The following RUBCN variants were observed in gnomAD, a reference collection of about 807,000 sequenced individuals.
RUBCN encodes run domain Beclin-1-interacting and cysteine-rich domain-containing protein.
A neutral mutation model predicts 113.2 loss-of-function variants in RUBCN; 74 were observed. The ratio of observed to expected loss-of-function variants is 0.65; its 90% CI spans 0.54 to 0.79. The LOEUF is 0.79. RUBCN is among the 30% of genes least tolerant of loss of function. The probability of loss-of-function intolerance (pLI) is 0.00; values close to 1 mark genes in which losing one functional copy is unlikely to be tolerated. For synonymous variants in RUBCN, 480 were observed against 490.0 expected (o/e 0.98, Z 0.27); for missense variants, 1,109 against 1,251.7 (o/e 0.89, Z 1.72).
At chr3:197,734,660 T>C (rs1333225517) in intron 1 of RUBCN, among the ~76,000 whole-genome samples, 1 of 152,118 alleles carries the variant, frequency 6.6e-6, no homozygotes, top group Non-Finnish European at 1.5e-5. Flanking sequence ...ATTTGTTACA[T>C]ACATTAAAAA....
In RUBCN at chr3:197,717,454, A is replaced by G. The variant is rs528989160; in HGVS notation, c.219+523T>C. ...GCGAGACTCCGTCTCAAAAAAAAAA[A>G]GGGGGGGGCAGAGAGAGATTTGAAG... On this transcript the variant is annotated intron_variant, in intron 2 of 19. Coordinates refer to ENST00000296343, the MANE Select transcript of RUBCN (RefSeq NM_014687.4). Among the ~76,000 whole-genome samples the G allele has an allele frequency of 9.6e-3, 1,427 of 149,112 alleles. 18 individuals are homozygous for G. The highest frequency in any genetic ancestry group is 0.033 in the African/African-American group (1,325 of 40,318).
chr3:197,720,347 A>C (rs1726008542), intron 1 of RUBCN, among the ~76,000 whole-genome samples: 1 of 152,166 alleles, frequency 6.6e-6, no homozygotes, highest in Admixed American at 6.5e-5. Context: ...GAAAGAATTA[A>C]GGTTGAAGTG....
Position 197,705,173 on chromosome 3 carries a change from C to A in RUBCN, c.222G>T (p.Ala74=), listed in dbSNP as rs200804023. ...GCCAGTAATCCGTCTGGCGGCGGCA[C>A]GCCTGCAAAGGGAACACATACAATG... ...ILYHGLIRDQ[A]CRRQTDYWQF... The change falls in exon 3 of 20, where the codon GCG becomes GCT. Residue 74 remains alanine, a splice_region_variant and synonymous_variant. Coordinates refer to ENST00000296343, the MANE Select transcript of RUBCN (RefSeq NM_014687.4). 2 of 1,613,742 alleles carry A rather than the reference C, an allele frequency of 1.2e-6. No individual in the cohort carries two copies. The highest frequency in any genetic ancestry group is 1.7e-6 in the Non-Finnish European group (2 of 1,179,774).
At chr3:197,703,722 C>A in intron 4 of RUBCN, 68 bp from the exon 5 acceptor site, 1 of 952,338 alleles carries the variant, frequency 1.1e-6, no homozygotes, top group Non-Finnish European at 1.7e-6. Context: ...CTTGAGGAAG[C>A]AGAAAGGGAG....
intron 1 of RUBCN, among the ~76,000 whole-genome samples, chr3:197,742,185 T>A (rs1054534808): frequency 6.6e-6 from 1 of 152,064 alleles, no homozygotes; most frequent in African/African-American, 2.4e-5. Flanking sequence ...AATGTTAAAA[T>A]GAAAATTTTA....
chr3:197,689,365 C>T (rs1383509489), intron 11 of RUBCN, among the ~76,000 whole-genome samples: 1 of 152,136 alleles, frequency 6.6e-6, no homozygotes, highest in Non-Finnish European at 1.5e-5. Flanking sequence ...AAACATTTCA[C>T]ATTCTTAGTG....
chr3:197,696,748 G>A (rs1723053711), intron 8 of RUBCN, among the ~76,000 whole-genome samples: 1 of 152,176 alleles, frequency 6.6e-6, no homozygotes, highest in South Asian at 2.1e-4. Flanking sequence ...GAGAGGGTGG[G>A]ACCCCCAAGT....
chr3:197,708,260 C>T (rs1434847109), intron 2 of RUBCN, among the ~76,000 whole-genome samples: 10 of 151,864 alleles, frequency 6.6e-5, no homozygotes, highest in Non-Finnish European at 1.2e-4. Flanking sequence ...CTCAGCCTCC[C>T]GAGTCGCGGG....
At chr3:197,676,737 G>C in intron 18 of RUBCN, 148 bp downstream of exon 18, 1 of 1,519,652 alleles carries the variant, frequency 6.6e-7, no homozygotes. Flanking sequence ...TCCAGGCTAA[G>C]GAACAGCAGC....
At position 197,718,012 on chromosome 3, in the gene RUBCN, G is replaced by C; in HGVS notation, c.184C>G (p.Gln62Glu). Reference protein sequence around the residue: ...GGLERLCRDMQSILYHGLIRD... With the variant: ...GGLERLCRDMESILYHGLIRD... ...ATAAGCCCGTGATAGAGGATGCTCT[G>C]CATGTCCCTGCAAAGCCGCTCCAAG... Residue 62 changes from glutamine to glutamate, a missense_variant, in exon 2 of 20, where the codon CAG (glutamine) becomes GAG (glutamate). By Grantham distance (29) the Gln-to-Glu change is conservative. Transcript: ENST00000296343. The C allele has an allele frequency of 1.2e-6, 2 of 1,614,114 alleles. No homozygotes were observed. Among genetic ancestry groups the C allele is most frequent in the East Asian group, 2.2e-5 (1 of 44,892 alleles).
In RUBCN at chr3:197,681,084, GA is replaced by G; in HGVS notation, c.2430+44del. ...GAGGGACGAGGGGAGGGGATGAGGG[GA>G]GGAGAAGGGCAAGACTCTAAGGTGG... On this transcript the variant is annotated intron_variant, in intron 16 of 19. Transcript: ENST00000296343. The surrounding 1 kb of genome is among the most constrained non-coding windows in gnomAD (Gnocchi z 5.5). The G allele has an allele frequency of 8.0e-7, 1 of 1,255,230 alleles. No individual in the cohort carries two copies. The highest frequency in any genetic ancestry group is 1.2e-5 in the South Asian group (1 of 83,550). The allele number at this position is 1,255,230 out of a possible 1,614,324, so 77.8% of individuals were successfully genotyped here. A position where few individuals can be genotyped will look rare whatever the true frequency, so the allele number is the denominator to read the frequency against.
At chr3:197,676,833 T>C (rs771361217) in intron 18 of RUBCN, 52 bp downstream of exon 18, 27 of 1,613,088 alleles carry the variant, frequency 1.7e-5, no homozygotes, top group Non-Finnish European at 2.2e-5. Context: ...CCCCCCTCCC[T>C]GTATCCCTAA....
At chr3:197,684,253 A>G (rs759958769) in intron 11 of RUBCN, 36 bp from the exon 12 acceptor site, 45 of 1,561,746 alleles carry the variant, frequency 2.9e-5, no homozygotes, top group Non-Finnish European at 3.9e-5. Flanking sequence ...AGCGCAATGG[A>G]AACGGGGTGG....
At chr3:197,705,290 G>A in intron 2 of RUBCN, 115 bp from the exon 3 acceptor site, 1 of 912,424 alleles carries the variant, frequency 1.1e-6, no homozygotes. Flanking sequence ...CCTCATCAAA[G>A]GTTCTTAGCA....
chr3:197,735,364 G>A (rs566851159), intron 1 of RUBCN, among the ~76,000 whole-genome samples: 1 of 152,322 alleles, frequency 6.6e-6, no homozygotes, highest in South Asian at 2.1e-4. Context: ...ACGGCACTGC[G>A]CTCAGCCTGG....
In RUBCN at chr3:197,742,932, G is replaced by A. The variant is rs186068869; in HGVS notation, c.-116+6337C>T. ...AAAATGCCACAGTTGGTCATTCAGTGAGTCAATCTAGAACCCCTGGTGGTC... is the reference window on the plus strand; with the variant it reads ...AAAATGCCACAGTTGGTCATTCAGTAAGTCAATCTAGAACCCCTGGTGGTC... On this transcript the variant is annotated intron_variant, in intron 1 of 20. Transcript: ENST00000273582. 3.3e-5 allele frequency among the ~76,000 whole-genome samples: 5 copies of A among 152,342 alleles called. No individual in the cohort carries two copies. The East Asian group carries it at 7.7e-4, about 23-fold the overall frequency.
chr3:197,717,235 C>A (rs553687564), intron 2 of RUBCN, among the ~76,000 whole-genome samples: 1 of 150,730 alleles, frequency 6.6e-6, no homozygotes, highest in East Asian at 1.9e-4. Flanking sequence ...GAGATTGAGA[C>A]CACTGAGACC....
intron 8 of RUBCN, among the ~76,000 whole-genome samples, chr3:197,696,198 C>T (rs1428274213): frequency 3.3e-5 from 5 of 151,992 alleles, no homozygotes; most frequent in Admixed American, 1.3e-4. Context: ...ATGGTGAAAC[C>T]CCATCTCTAC....
intron 2 of RUBCN, among the ~76,000 whole-genome samples, chr3:197,713,720 A>C (rs942096002): frequency 5.9e-5 from 9 of 151,888 alleles, no homozygotes; most frequent in Admixed American, 3.3e-4. Flanking sequence ...GAGCAGATGA[A>C]ACTGCTTCAG....
Sources: gnomAD v4.1 joint callset for allele counts (sites outside exome capture counted in the v4.1 genomes callset) on GRCh38, gnomAD v4.1.1 for gene constraint, Gnocchi (gnomAD v3.1) non-coding constraint, MANE v1.5 for transcripts, NCBI Gene and HGNC (gene_info 2026-07-23, HGNC 2026-07-21) for gene names.